SPATA6L: variants seen among roughly 807,000 people sequenced by gnomAD.
SPATA6L encodes spermatogenesis associated 6 like.
In SPATA6L, 68 loss-of-function variants were observed where a neutral mutation model predicts 49.2. The ratio of observed to expected loss-of-function variants is 1.38; its 90% confidence interval spans 1.14 to 1.69. The LOEUF is 1.69. Ranked by LOEUF, SPATA6L falls within the 40% of genes most tolerant of loss-of-function variation. The probability of loss-of-function intolerance (pLI) is 0.00; values close to 1 mark genes in which losing one functional copy is unlikely to be tolerated. For missense variants in SPATA6L, 668 were observed against 464.3 expected, an observed-to-expected ratio of 1.44 and a Z score of -4.03; for synonymous variants, 198 against 165.7, an observed-to-expected ratio of 1.19 and a Z score of -1.50.
intron 13 of SPATA6L, among the ~76,000 whole-genome samples, chr9:4,592,447 C>T (rs754177528): frequency 2.0e-5 from 3 of 152,144 alleles, no homozygotes; most frequent in Non-Finnish European, 4.4e-5. Flanking sequence ...ATAACAGCAT[C>T]ATAAAGTGGG....
chr9:4,609,025 C>G (rs1398245892), intron 9 of SPATA6L, among the ~76,000 whole-genome samples: 1 of 151,194 alleles, frequency 6.6e-6, no homozygotes, highest in Non-Finnish European at 1.5e-5. Flanking sequence ...CACCTCTACG[C>G]AAATAAACTA....
intron 3 of SPATA6L, among the ~76,000 whole-genome samples, chr9:4,636,151 C>T (rs879376128): frequency 3.3e-5 from 5 of 150,494 alleles, no homozygotes; most frequent in Admixed American, 6.6e-5. Flanking sequence ...CTGAATTTTT[C>T]CAAGTACCGT....
intron 9 of SPATA6L, among the ~76,000 whole-genome samples, chr9:4,607,401 CG>C: frequency 6.6e-6 from 1 of 152,038 alleles, no homozygotes; most frequent in Non-Finnish European, 1.5e-5. Context: ...AGAGAAAGGT[CG>C]GGTTACCCTC....
chr9:4,666,107 G>C (rs1442023497), intron 1 of SPATA6L, 105 bp downstream of exon 1: 3 of 971,654 alleles, frequency 3.1e-6, no homozygotes, highest in African/African-American at 3.2e-5. Flanking sequence ...AGATAATGAT[G>C]TGTTTGTGGT....
intron 13 of SPATA6L, among the ~76,000 whole-genome samples, chr9:4,589,531 T>G (rs563866155): frequency 6.6e-6 from 1 of 152,332 alleles, no homozygotes; most frequent in South Asian, 2.1e-4. Context: ...GACATTTTAA[T>G]CTAAAGAATA....
At chr9:4,627,728 A>T in intron 5 of SPATA6L, 1 of 1,288,902 alleles carries the variant, frequency 7.8e-7, no homozygotes, top group Non-Finnish European at 1.0e-6. Context: ...GTACACATGG[A>T]TGCCCTAAGA....
intron 8 of SPATA6L, 47 bp from the exon 9 acceptor site, chr9:4,618,157 C>G (rs1265668617): frequency 1.3e-6 from 2 of 1,542,534 alleles, no homozygotes; most frequent in East Asian, 4.7e-5. Flanking sequence ...CTTCTGTTTG[C>G]TTAATTTAGA....
intron 6 of SPATA6L, among the ~76,000 whole-genome samples, chr9:4,622,766 T>G (rs1829620518): frequency 6.6e-6 from 1 of 152,164 alleles, no homozygotes; most frequent in Non-Finnish European, 1.5e-5. Context: ...TAGACACAAA[T>G]TATATTCCAA....
intron 11 of SPATA6L, among the ~76,000 whole-genome samples, chr9:4,601,347 T>C (rs189212235): frequency 1.0e-4 from 15 of 146,508 alleles, no homozygotes; most frequent in Middle Eastern, 7.1e-3. Context: ...AGGGATAATC[T>C]GAGGGGTTTC....
At chr9:4,616,725 A>G (rs1275065983) in intron 9 of SPATA6L, among the ~76,000 whole-genome samples, 3 of 152,204 alleles carry the variant, frequency 2.0e-5, no homozygotes, top group African/African-American at 7.2e-5. Context: ...AGCTGGGATT[A>G]CAGGCATGCG....
At chr9:4,645,249 C>T (rs776145634) in intron 3 of SPATA6L, among the ~76,000 whole-genome samples, 1 of 152,138 alleles carries the variant, frequency 6.6e-6, no homozygotes, top group Non-Finnish European at 1.5e-5. Context: ...AGCAAATATA[C>T]AACAATTTGT....
intron 5 of SPATA6L, chr9:4,626,373 A>C: frequency 7.8e-7 from 1 of 1,287,800 alleles, no homozygotes; most frequent in Non-Finnish European, 1.0e-6. Flanking sequence ...TGGCACCAGC[A>C]GTGAGCAGTG....
chr9:4,591,971 G>A (rs867259241), intron 13 of SPATA6L, among the ~76,000 whole-genome samples: 1 of 152,266 alleles, frequency 6.6e-6, no homozygotes, highest in African/African-American at 2.4e-5. Flanking sequence ...GAGCCTCCCT[G>A]CCAGGATGAG....
At chr9:4,661,281 A>T (rs1839661279) in intron 2 of SPATA6L, among the ~76,000 whole-genome samples, 1 of 152,222 alleles carries the variant, frequency 6.6e-6, no homozygotes, top group Non-Finnish European at 1.5e-5. Context: ...CAAAAATGTT[A>T]AGAGATTGTC....
At chr9:4,648,954 G>T (rs775010430) in intron 3 of SPATA6L, among the ~76,000 whole-genome samples, 1 of 151,848 alleles carries the variant, frequency 6.6e-6, no homozygotes, top group Admixed American at 6.6e-5. Context: ...GAGTTACTTC[G>T]CTTAGAATAA....
At chr9:4,615,253 T>C (rs900270113) in intron 9 of SPATA6L, among the ~76,000 whole-genome samples, 1 of 152,250 alleles carries the variant, frequency 6.6e-6, no homozygotes, top group African/African-American at 2.4e-5. Context: ...TAGAAAGCTC[T>C]TTGCATACTT....
chr9:4,653,191 C>G (rs1006169257), intron 3 of SPATA6L, among the ~76,000 whole-genome samples: 14 of 152,148 alleles, frequency 9.2e-5, no homozygotes, highest in Admixed American at 3.3e-4. Context: ...AACTGAGACC[C>G]TAAAAGTAAA....
intron 3 of SPATA6L, among the ~76,000 whole-genome samples, chr9:4,636,003 C>G (rs1191303219): frequency 2.6e-5 from 4 of 152,326 alleles, no homozygotes; most frequent in Non-Finnish European, 5.9e-5. Context: ...TAATATTCTG[C>G]AAACATTCTT....
intron 11 of SPATA6L, among the ~76,000 whole-genome samples, chr9:4,602,080 A>C (rs1823447358): frequency 6.6e-6 from 1 of 152,094 alleles, no homozygotes. Context: ...AGCGTATGCC[A>C]AACTACTGGG....
Sources: allele counts gnomAD v4.1 joint callset (sites outside exome capture counted in the v4.1 genomes callset), GRCh38; gene constraint gnomAD v4.1.1; transcripts MANE v1.5; gene names NCBI Gene and HGNC (gene_info 2026-07-23, HGNC 2026-07-21).